The following OXSR1 variants were observed in gnomAD, a reference collection of about 807,000 sequenced individuals.
OXSR1 encodes the protein serine/threonine-protein kinase OSR1.
OXSR1 carries 24 observed loss-of-function variants against 79.8 expected under a neutral mutation model. The observed-to-expected ratio is 0.30, with a 90% CI of 0.22 to 0.42. The LOEUF is 0.42. Among genes scored for constraint, OXSR1 ranks in the 10% least tolerant of loss-of-function variants. The pLI is 1.00. For synonymous variants in OXSR1, 226 were observed against 209.2 expected (o/e 1.08, Z -0.69); for missense variants, 430 against 618.4 (o/e 0.70, Z 3.23).
At chr3:38,238,836 T>C (rs1702970838) in intron 11 of OXSR1, among the ~76,000 whole-genome samples, 1 of 152,146 alleles carries the variant, frequency 6.6e-6, no homozygotes, top group Non-Finnish European at 1.5e-5. Context: ...TTCTTGGATC[T>C]GTGGGTTTAT....
chr3:38,239,146 T>G (rs1478767074), intron 11 of OXSR1, among the ~76,000 whole-genome samples: 1 of 152,184 alleles, frequency 6.6e-6, no homozygotes, highest in Non-Finnish European at 1.5e-5. Context: ...TCTACTTAAC[T>G]TTTTGGAGAT....
intron 1 of OXSR1, among the ~76,000 whole-genome samples, chr3:38,171,869 A>G (rs574295125): frequency 6.6e-6 from 1 of 152,208 alleles, no homozygotes; most frequent in Non-Finnish European, 1.5e-5. Context: ...AAGCAGCTGT[A>G]AAAATTTGGG....
At chr3:38,193,370 T>C in intron 3 of OXSR1, 1 of 1,287,472 alleles carries the variant, frequency 7.8e-7, no homozygotes, top group South Asian at 1.2e-5. Flanking sequence ...CCTTTCAAGA[T>C]GGTGGTCAAG....
intron 7 of OXSR1, 75 bp downstream of exon 7, chr3:38,223,988 T>C: frequency 1.4e-6 from 1 of 701,184 alleles, no homozygotes; most frequent in Non-Finnish European, 2.3e-6. Context: ...AGTCTTTTAA[T>C]TTTTTTTTTA....
At chr3:38,190,910 A>G (rs910325602) in intron 3 of OXSR1, 71 bp downstream of exon 3, 1 of 839,086 alleles carries the variant, frequency 1.2e-6, no homozygotes, top group Admixed American at 2.2e-5. Flanking sequence ...CTTCTTTTCT[A>G]TCCTGATTTC....
intron 4 of OXSR1, among the ~76,000 whole-genome samples, chr3:38,212,414 T>A (rs571704259): frequency 6.6e-6 from 1 of 152,316 alleles, no homozygotes; most frequent in African/African-American, 2.4e-5. Flanking sequence ...GATGAATGGG[T>A]CTCTAAATCA....
At chr3:38,244,757 A>G (rs1703106962) in intron 12 of OXSR1, among the ~76,000 whole-genome samples, 1 of 152,068 alleles carries the variant, frequency 6.6e-6, no homozygotes, top group Non-Finnish European at 1.5e-5. Context: ...CATTGTCAAC[A>G]TAGGTGTACA....
chr3:38,192,065 C>A (rs1197523667), intron 3 of OXSR1, among the ~76,000 whole-genome samples: 1 of 152,154 alleles, frequency 6.6e-6, no homozygotes, highest in Non-Finnish European at 1.5e-5. Context: ...GTGGTAGCAA[C>A]TGAGAGGGTT....
intron 1 of OXSR1, among the ~76,000 whole-genome samples, 178 bp downstream of exon 1, chr3:38,166,124 T>G (rs1575296985): frequency 6.7e-6 from 1 of 148,600 alleles, no homozygotes. Context: ...GGGAAGGGGG[T>G]TTTGAGGCGC....
At chr3:38,232,843 A>C (rs1348410696) in intron 10 of OXSR1, among the ~76,000 whole-genome samples, 1 of 152,180 alleles carries the variant, frequency 6.6e-6, no homozygotes, top group African/African-American at 2.4e-5. Context: ...GCTGCAACCA[A>C]ATTTTCAAAA....
intron 2 of OXSR1, among the ~76,000 whole-genome samples, chr3:38,188,818 G>A (rs183765948): frequency 6.6e-6 from 1 of 152,104 alleles, no homozygotes; most frequent in Admixed American, 6.5e-5. Context: ...ATTTTTTAAT[G>A]TGCCTCTCCA....
intron 17 of OXSR1, 114 bp from the exon 18 acceptor site, chr3:38,252,703 T>A: frequency 1.3e-6 from 1 of 777,114 alleles, no homozygotes; most frequent in Non-Finnish European, 2.2e-6. Context: ...CCTATTTGTA[T>A]CCTAGGGACC....
chr3:38,213,980 TG>T (rs1284036282), intron 4 of OXSR1, among the ~76,000 whole-genome samples: 3 of 152,178 alleles, frequency 2.0e-5, no homozygotes, highest in African/African-American at 7.2e-5. Flanking sequence ...AAGTATTTTA[TG>T]GTTTAGATAC....
rs2844429 is a variant in OXSR1 at position 38,165,726 on chromosome 3, G to A, written c.-151G>A. ...CTGCTCTGCCGCGCGGTGACCCCGCGCCCCGGCGCCGTCCGACCCGTGGCT... is the reference window on the plus strand; with the variant it reads ...CTGCTCTGCCGCGCGGTGACCCCGCACCCCGGCGCCGTCCGACCCGTGGCT... On this transcript the variant is annotated 5_prime_UTR_variant, in exon 1 of 18. Transcript: ENST00000311806. 11 of 637,274 alleles carry A rather than the reference G, an allele frequency of 1.7e-5. No individual in the cohort carries two copies. Among genetic ancestry groups the A allele is most frequent in the East Asian group, 1.5e-4 (5 of 32,378 alleles). The allele number at this position is 637,274 out of a possible 1,614,324, so 39.5% of individuals were successfully genotyped here.
intron 1 of OXSR1, among the ~76,000 whole-genome samples, chr3:38,173,929 A>G (rs1053584973): frequency 6.6e-6 from 1 of 152,220 alleles, no homozygotes; most frequent in Non-Finnish European, 1.5e-5. Context: ...AGGTCAGGGA[A>G]AACCTCACTG....
At chr3:38,219,934 A>G (rs536860285) in intron 5 of OXSR1, among the ~76,000 whole-genome samples, 3 of 152,124 alleles carry the variant, frequency 2.0e-5, no homozygotes, top group Admixed American at 1.3e-4. Context: ...CAGCCTCCCA[A>G]GTAGCTAGGG....
intron 1 of OXSR1, among the ~76,000 whole-genome samples, chr3:38,169,602 G>T (rs1313120332): frequency 6.6e-6 from 1 of 151,698 alleles, no homozygotes; most frequent in African/African-American, 2.4e-5. Context: ...ACTGCGCCTG[G>T]CTGTTCGTTT....
chr3:38,206,948 C>G (rs536666638), intron 4 of OXSR1, among the ~76,000 whole-genome samples: 2 of 152,260 alleles, frequency 1.3e-5, no homozygotes, highest in East Asian at 1.9e-4. Context: ...TAGTATCTAT[C>G]TCATAAAGTA....
Position 38,252,954 on chromosome 3 carries a change from T to C in OXSR1, c.*63T>C. The C allele has an allele frequency of 7.2e-7, 1 of 1,391,738 alleles. No homozygotes were observed. Among genetic ancestry groups the C allele is most frequent in the South Asian group, 1.2e-5 (1 of 86,444 alleles). 86.2% of individuals were successfully genotyped at this position (1,391,738 alleles called of 1,614,324 possible). On this transcript the variant is annotated 3_prime_UTR_variant, in exon 18 of 18. Transcript: ENST00000311806. The stretch of plus-strand genomic sequence containing the variant: ...CACATGCGTATCTCTGTTGCTTCTA[T>C]TGGCCTAAACCCACTACTGCCAAAG...
Sources: allele counts gnomAD v4.1 joint callset (sites outside exome capture counted in the v4.1 genomes callset), GRCh38; gene constraint gnomAD v4.1.1; transcripts MANE v1.5; gene names NCBI Gene and HGNC (gene_info 2026-07-23, HGNC 2026-07-21).